The following FSIP2 variants were observed in gnomAD, a reference collection of about 807,000 sequenced individuals.
The protein encoded by FSIP2 is fibrous sheath interacting protein 2, also known as fibrous sheath-interacting protein 2.
Under a neutral mutation model 510.5 loss-of-function variants are expected in FSIP2, and 367 were observed. The observed-to-expected ratio is 0.72, with a 90% confidence interval of 0.66 to 0.78. FSIP2 has a LOEUF of 0.78. Among genes scored for constraint, FSIP2 ranks in the 30% least tolerant of loss-of-function variants. FSIP2 has a pLI of 0.00. For missense variants in FSIP2, 7,594 were observed against 7,901.7 expected (o/e 0.96, Z 1.48); for synonymous variants, 2,601 against 2,732.2 (o/e 0.95, Z 1.50).
rs1224130851 is a variant in FSIP2 at position 185,809,106 on chromosome 2, T to C, written c.19800T>C (p.Thr6600=). 2 of 1,577,366 alleles carry C rather than the reference T, an allele frequency of 1.3e-6. No homozygotes were observed. Among genetic ancestry groups the C allele is most frequent in the Non-Finnish European group, 1.7e-6 (2 of 1,168,130 alleles). Residue 6600 remains threonine, a synonymous_variant, in exon 17 of 23, where the codon ACT becomes ACC. Transcript: ENST00000424728. The part of the protein sequence containing the change: ...KTERRTSLDK[T]GRLDVKPLEA... ...AAAGACGTACCTCATTGGATAAGAC[T>C]GGAAGACTGGATGTAAAACCCCTAG...
In FSIP2 at chr2:185,802,956, T is replaced by C. The variant is rs1559033252; in HGVS notation, c.13650T>C (p.Asn4550=). The C allele has an allele frequency of 6.6e-7, 1 of 1,526,232 alleles. No homozygotes were observed. Among genetic ancestry groups the C allele is most frequent in the African/African-American group, 1.4e-5 (1 of 72,420 alleles). 94.5% of individuals were successfully genotyped at this position (1,526,232 alleles called of 1,614,324 possible). The change falls in exon 17 of 23, where the codon AAT becomes AAC. Residue 4550 remains asparagine (N), a synonymous_variant. Coordinates refer to ENST00000424728, the MANE Select transcript of FSIP2 (RefSeq NM_173651.4). ...IQHLVDSVFA[N]VVQTSGSQES... is the part of the protein sequence containing the mutation. ...ACCTTGTTGATTCAGTATTTGCAAA[T>C]GTTGTGCAAACCTCTGGTTCTCAAG...
Position 185,806,920 on chromosome 2 carries a change from G to A in FSIP2, c.17614G>A (p.Glu5872Lys), listed in dbSNP as rs779089252. 6.2e-6 allele frequency: 10 copies of A among 1,611,310 alleles called. No homozygotes were observed. The South Asian group carries it at 8.8e-5, about 14-fold the overall frequency. ...SVPKVPPRYK[E>K]PTTDEAPSSI... ...TCCTAAAGTACCTCCAAGGTATAAA[G>A]AGCCAACTACAGATGAAGCACCATC... The change falls in exon 17 of 23, where the codon GAG becomes AAG. Residue 5872 changes from glutamate (E) to lysine (K), a missense_variant. Glu to Lys is a moderately conservative substitution (Grantham distance 56, BLOSUM62 1). Coordinates refer to ENST00000424728, the MANE Select transcript of FSIP2 (RefSeq NM_173651.4).
At position 185,803,666 on chromosome 2, in the gene FSIP2, C is replaced by T; in HGVS notation, c.14360C>T (p.Thr4787Ile). 1 of 1,530,950 alleles carries T rather than the reference C, an allele frequency of 6.5e-7. No homozygotes were observed. The highest frequency in any genetic ancestry group is 8.7e-7 in the Non-Finnish European group (1 of 1,143,744). The allele number at this position is 1,530,950 out of a possible 1,614,324, so 94.8% of individuals were successfully genotyped here. Residue 4787 changes from threonine (T) to isoleucine (I), a missense_variant, in exon 17 of 23, where the codon ACT becomes ATT. Coordinates refer to ENST00000424728, the MANE Select transcript of FSIP2 (RefSeq NM_173651.4). ...AGACAAGCTTCAACAATGTATACCA[C>T]TATGTTATCACATAGTCATTTGGAA... ...FQRQASTMYT[T>I]MLSHSHLEKI...
At position 185,797,158 on chromosome 2, in the gene FSIP2, G is replaced by A. The variant is rs538682634; in HGVS notation, c.10022G>A (p.Cys3341Tyr). 4 of 1,534,986 alleles carry A rather than the reference G, an allele frequency of 2.6e-6. No homozygotes were observed. In the African/African-American group the frequency reaches 5.5e-5, roughly 21 times the overall value. Residue 3341 changes from cysteine to tyrosine, a missense_variant, in exon 16 of 23, where the codon TGT becomes TAT. Physicochemically the swap from Cys to Tyr is radical, Grantham distance 194. Coordinates refer to ENST00000424728, the MANE Select transcript of FSIP2 (RefSeq NM_173651.4). ...ATTGTCAATACTGTGCTATCCAGCT[G>A]TGGCTTTCCAAGTCAACCACACACT... The part of the protein sequence containing the change: ...ENIVNTVLSS[C>Y]GFPSQPHTNE...
At position 185,790,367 on chromosome 2, in the gene FSIP2, T is replaced by G; in HGVS notation, c.3231T>G (p.His1077Gln). 6.5e-7 allele frequency: 1 copy of G among 1,529,844 alleles called. No homozygotes were observed. Among genetic ancestry groups the G allele is most frequent in the South Asian group, 1.2e-5 (1 of 82,728 alleles). 94.8% of individuals were successfully genotyped at this position (1,529,844 alleles called of 1,614,324 possible). A position where few individuals can be genotyped will look rare whatever the true frequency, so the allele number is the denominator to read the frequency against. The stretch of plus-strand genomic sequence containing the variant: ...AGACTGAGCCACCATCTACTAATCA[T>G]GAAGATATTTTAAAGAAAAAACTTT... ...ELKTEPPSTN[H>Q]EDILKKKLSS... The change falls in exon 16 of 23, where the codon CAT becomes CAG. Residue 1077 changes from histidine to glutamine, a missense_variant. Coordinates refer to ENST00000424728, the MANE Select transcript of FSIP2 (RefSeq NM_173651.4).
chr2:185,806,375 A>T lies in FSIP2; in HGVS notation c.17069A>T (p.Glu5690Val). 1 of 1,611,468 alleles carries T rather than the reference A, an allele frequency of 6.2e-7. No individual in the cohort carries two copies. The highest frequency in any genetic ancestry group is 8.5e-7 in the Non-Finnish European group (1 of 1,178,540). Residue 5690 changes from glutamate to valine, a missense_variant, in exon 17 of 23, where the codon GAA becomes GTA. By Grantham distance (121) the Glu-to-Val change is moderately radical. Coordinates refer to ENST00000424728, the MANE Select transcript of FSIP2 (RefSeq NM_173651.4). ...VIENIFEDVL[E>V]LSSSPEPAYY... ...GAAAATATTTTTGAAGATGTTTTAG[A>T]ACTATCTTCTTCTCCAGAACCAGCA...
At position 185,791,167 on chromosome 2, in the gene FSIP2, T is replaced by C. The variant is rs966138776; in HGVS notation, c.4031T>C (p.Leu1344Pro). The part of the protein sequence containing the change: ...FANTDKKLES[L>P]VTSIDDDILA... ...AATACTGATAAAAAATTAGAATCTC[T>C]TGTCACGAGTATTGATGATGACATT... is the stretch of plus-strand genomic sequence containing the variant. The change falls in exon 16 of 23, where the codon CTT (leucine) becomes CCT (proline). Residue 1344 changes from leucine (L) to proline (P), a missense_variant. Transcript: ENST00000424728. 3.7e-5 allele frequency: 57 copies of C among 1,533,600 alleles called. No individual in the cohort carries two copies. In the East Asian group the frequency reaches 1.4e-3, roughly 37 times the overall value. The allele number at this position is 1,533,600 out of a possible 1,614,324, so 95.0% of individuals were successfully genotyped here. A position where few individuals can be genotyped will look rare whatever the true frequency, so the allele number is the denominator to read the frequency against.
At chr2:185,766,587 T>C (rs1472804515) in intron 13 of FSIP2, 1 of 148,568 alleles carries the variant, frequency 6.7e-6, no homozygotes, top group Non-Finnish European at 1.5e-5. Flanking sequence ...TCACTGGCCA[T>C]CAGAGAAATG....
intron 10 of FSIP2, among the ~76,000 whole-genome samples, chr2:185,761,769 A>G (rs1174804792): frequency 2.6e-5 from 4 of 151,288 alleles, no homozygotes; most frequent in African/African-American, 9.7e-5. Context: ...TATTGAACTC[A>G]GTTTTGGACT....
At chr2:185,739,310 A>C in intron 1 of FSIP2, 36 bp from the exon 2 acceptor site, 1 of 1,501,080 alleles carries the variant, frequency 6.7e-7, no homozygotes, top group African/African-American at 1.4e-5. Context: ...ATACTGCCTA[A>C]AAGGAAAGAC....
rs1487268982 is a variant in FSIP2, at chr2:185,761,077, G to A, written c.1168G>A (p.Val390Ile). Reference protein sequence around the residue: ...NSASVVYQADVQDNGINQKRD... With the variant: ...NSASVVYQADIQDNGINQKRD... The stretch of plus-strand genomic sequence containing the variant: ...AGCTTCTGTTGTTTATCAGGCAGAT[G>A]TACAGGATAATGGTATAAATCAAAA... Residue 390 changes from valine (V) to isoleucine (I), a missense_variant, in exon 10 of 23, where the codon GTA becomes ATA. Physicochemically the swap from Val to Ile is conservative, Grantham distance 29. Transcript: ENST00000424728. 6.9e-7 allele frequency: 1 copy of A among 1,442,306 alleles called. No individual in the cohort carries two copies. Among genetic ancestry groups the A allele is most frequent in the Non-Finnish European group, 9.4e-7 (1 of 1,068,716 alleles). The allele number at this position is 1,442,306 out of a possible 1,614,324, so 89.3% of individuals were successfully genotyped here.
intron 7 of FSIP2, among the ~76,000 whole-genome samples, chr2:185,747,785 T>C (rs7570931): frequency 0.045 from 6,841 of 152,016 alleles, 509 homozygotes; most frequent in African/African-American, 0.16. Flanking sequence ...TTTAATAATA[T>C]ATAAGATTTT....
intron 13 of FSIP2, 69 bp downstream of exon 13, chr2:185,764,634 GT>G: frequency 9.0e-7 from 1 of 1,116,742 alleles, no homozygotes; most frequent in Non-Finnish European, 1.3e-6. Flanking sequence ...CATTTACTGA[GT>G]TTTTGCTTCA....
rs7594991 is a variant in FSIP2, at chr2:185,832,983, C to A, written c.20588-107C>A. ...TGCCATGAGAGTCAGAAAGTCTGGACCCTATTACCAGCTGGGCCACCTTTT... is the reference window on the plus strand; with the variant it reads ...TGCCATGAGAGTCAGAAAGTCTGGAACCTATTACCAGCTGGGCCACCTTTT... On this transcript the variant is annotated intron_variant, in intron 22 of 22. Transcript: ENST00000424728. 5.8e-6 allele frequency: 5 copies of A among 863,682 alleles called. No individual in the cohort carries two copies. In the East Asian group the frequency reaches 7.6e-5, roughly 13 times the overall value. The allele number at this position is 863,682 out of a possible 1,614,324, so 53.5% of individuals were successfully genotyped here.
intron 13 of FSIP2, among the ~76,000 whole-genome samples, chr2:185,769,265 G>A (rs770525613): frequency 6.6e-6 from 1 of 152,046 alleles, no homozygotes; most frequent in African/African-American, 2.4e-5. Flanking sequence ...ATGTATAAAT[G>A]TTCCCTTTTC....
intron 16 of FSIP2, among the ~76,000 whole-genome samples, chr2:185,798,508 A>G (rs1693352567): frequency 6.6e-6 from 1 of 151,848 alleles, no homozygotes; most frequent in South Asian, 2.1e-4. Context: ...TTACTATAAT[A>G]CCCCAGATCT....
chr2:185,806,281 G>A lies in FSIP2; in HGVS notation c.16975G>A (p.Asp5659Asn). Residue 5659 changes from aspartate to asparagine, a missense_variant, in exon 17 of 23, where the codon GAC becomes AAC. Coordinates refer to ENST00000424728, the MANE Select transcript of FSIP2 (RefSeq NM_173651.4). Reference sequence around the variant, plus strand: ...AACATCAAGCAATGAGGGGAGAAGAGACTCTCCAACACAAACGTGTAGGGA... The same window carrying A: ...AACATCAAGCAATGAGGGGAGAAGAAACTCTCCAACACAAACGTGTAGGGA... ...IRTSSNEGRRDSPTQTCRDEE... is the reference protein window; with the variant it reads ...IRTSSNEGRRNSPTQTCRDEE... The A allele has an allele frequency of 2.5e-6, 4 of 1,609,308 alleles. No individual in the cohort carries two copies. Among genetic ancestry groups the A allele is most frequent in the Non-Finnish European group, 3.4e-6 (4 of 1,177,606 alleles).
Position 185,808,970 on chromosome 2 carries a change from A to G in FSIP2, c.19664A>G (p.Lys6555Arg). The change falls in exon 17 of 23, where the codon AAG becomes AGG. Residue 6555 changes from lysine (K) to arginine (R), a missense_variant. Lys to Arg is a conservative substitution (Grantham distance 26). Coordinates refer to ENST00000424728, the MANE Select transcript of FSIP2 (RefSeq NM_173651.4). ...SIKTQPLEKLKQECLKRTGHS... is the reference protein window; with the variant it reads ...SIKTQPLEKLRQECLKRTGHS... ...AAAACTCAACCTCTTGAGAAACTTA[A>G]GCAGGAGTGTTTGAAAAGAACTGGA... 6.2e-7 allele frequency: 1 copy of G among 1,611,884 alleles called. No homozygotes were observed. Among genetic ancestry groups the G allele is most frequent in the Non-Finnish European group, 8.5e-7 (1 of 1,179,252 alleles).
intron 16 of FSIP2, among the ~76,000 whole-genome samples, chr2:185,798,800 C>G (rs1693358113): frequency 1.3e-5 from 2 of 151,840 alleles, no homozygotes; most frequent in South Asian, 4.1e-4. Flanking sequence ...ACACTTGGCT[C>G]TAACAATTCT....
Sources: gnomAD v4.1 joint callset for allele counts (sites outside exome capture counted in the v4.1 genomes callset) on GRCh38, gnomAD v4.1.1 for gene constraint, MANE v1.5 for transcripts, NCBI Gene and HGNC (gene_info 2026-07-23, HGNC 2026-07-21) for gene names.